The following CACNA2D3 variants were observed in gnomAD, a reference collection of about 807,000 sequenced individuals.
CACNA2D3 encodes voltage-dependent calcium channel subunit alpha-2/delta-3.
A neutral mutation model predicts 160.6 loss-of-function variants in CACNA2D3; 60 were observed. The observed-to-expected ratio is 0.37, with a 90% CI of 0.30 to 0.46. CACNA2D3 has a LOEUF of 0.46. Ranked by LOEUF, CACNA2D3 falls within the 20% of genes least tolerant of loss-of-function variation. The pLI, the probability that CACNA2D3 is intolerant of heterozygous loss-of-function variation, is 1.00. For synonymous variants in CACNA2D3, 558 were observed against 492.9 expected (o/e 1.13, Z -1.75); for missense variants, 1,205 against 1,365.0 (o/e 0.88, Z 1.85).
At chr3:54,390,153 T>C (rs575189543) in intron 4 of CACNA2D3, among the ~76,000 whole-genome samples, 2 of 152,322 alleles carry the variant, frequency 1.3e-5, no homozygotes, top group Admixed American at 6.5e-5. Context: ...TGTGGTTGAC[T>C]TTTGGGGATT....
At chr3:54,554,060 CAA>C (rs1240362767) in intron 5 of CACNA2D3, among the ~76,000 whole-genome samples, 3 of 152,136 alleles carry the variant, frequency 2.0e-5, no homozygotes, top group Admixed American at 1.3e-4. Flanking sequence ...AGATTCTTCC[CAA>C]GTCAGGGTTT....
At chr3:54,207,633 G>A (rs1559882619) in intron 2 of CACNA2D3, among the ~76,000 whole-genome samples, 1 of 152,280 alleles carries the variant, frequency 6.6e-6, no homozygotes, top group Admixed American at 6.5e-5. Context: ...GAGGAGAAAT[G>A]TGCATTTGTC....
At chr3:54,455,362 T>C (rs1422421756) in intron 4 of CACNA2D3, among the ~76,000 whole-genome samples, 1 of 152,192 alleles carries the variant, frequency 6.6e-6, no homozygotes, top group Non-Finnish European at 1.5e-5. Flanking sequence ...TTTTAACATA[T>C]TTGGACATTT....
intron 2 of CACNA2D3, among the ~76,000 whole-genome samples, chr3:54,245,894 A>G (rs1475724913): frequency 6.6e-6 from 1 of 152,220 alleles, no homozygotes; most frequent in Non-Finnish European, 1.5e-5. Context: ...CTTCTCTATC[A>G]TCATTGTCAT....
chr3:54,211,172 CCT>C (rs1026926606), intron 2 of CACNA2D3, among the ~76,000 whole-genome samples: 3 of 149,152 alleles, frequency 2.0e-5, no homozygotes, highest in Admixed American at 6.6e-5. Context: ...TCTTATTTCC[CCT>C]CTTTTTTTTT....
chr3:54,266,024 A>T (rs1269581972), intron 2 of CACNA2D3, among the ~76,000 whole-genome samples: 1 of 152,210 alleles, frequency 6.6e-6, no homozygotes, highest in Non-Finnish European at 1.5e-5. Context: ...GGACACAAGG[A>T]TTAGAAAAAT....
intron 2 of CACNA2D3, among the ~76,000 whole-genome samples, chr3:54,163,299 A>T (rs1260643147): frequency 6.6e-6 from 1 of 152,136 alleles, no homozygotes; most frequent in African/African-American, 2.4e-5. Context: ...CTCAAGGGAA[A>T]CCTTAAGGAA....
chr3:54,699,507 G>A (rs915840431), intron 11 of CACNA2D3, among the ~76,000 whole-genome samples: 3 of 152,120 alleles, frequency 2.0e-5, no homozygotes, highest in Admixed American at 6.5e-5. Context: ...CCTCTTCCCT[G>A]TGACAATGTA....
intron 4 of CACNA2D3, among the ~76,000 whole-genome samples, chr3:54,403,174 G>A (rs1290990798): frequency 6.6e-6 from 1 of 151,784 alleles, no homozygotes; most frequent in Non-Finnish European, 1.5e-5. Context: ...TGGGCAACAA[G>A]TGAGACCTGT....
At chr3:55,000,997 A>T (rs1198734686) in intron 31 of CACNA2D3, among the ~76,000 whole-genome samples, 1 of 152,156 alleles carries the variant, frequency 6.6e-6, no homozygotes, top group Admixed American at 6.5e-5. Flanking sequence ...GAACTTGGGC[A>T]TATTTATTTA....
chr3:54,203,914 A>G (rs1408319076), intron 2 of CACNA2D3, among the ~76,000 whole-genome samples: 1 of 151,660 alleles, frequency 6.6e-6, no homozygotes, highest in East Asian at 1.9e-4. Flanking sequence ...GGAAAATGCA[A>G]CATTTGGGCG....
Position 54,626,416 on chromosome 3 carries a change from C to A in CACNA2D3, c.964-1371C>A, listed in dbSNP as rs1004413032. The A allele has an allele frequency of 5.1e-6, 8 of 1,581,854 alleles. No homozygotes were observed. In the African/African-American group the frequency reaches 8.0e-5, roughly 16 times the overall value. On this transcript the variant is annotated intron_variant, in intron 9 of 37. Coordinates refer to ENST00000474759, the MANE Select transcript of CACNA2D3 (RefSeq NM_018398.3). ...GCGCAAGGCCAAGAAGGAGGCGCTGCCCATGGAGAAGCCGGAAGTGGTGAA... is the reference window on the plus strand; with the variant it reads ...GCGCAAGGCCAAGAAGGAGGCGCTGACCATGGAGAAGCCGGAAGTGGTGAA...
intron 3 of CACNA2D3, among the ~76,000 whole-genome samples, chr3:54,384,655 T>C (rs1262807228): frequency 6.6e-6 from 1 of 152,226 alleles, no homozygotes; most frequent in Non-Finnish European, 1.5e-5. Flanking sequence ...CTCCATCTTA[T>C]GTCTTTTTTT....
chr3:55,006,235 C>G (rs1408129015), intron 32 of CACNA2D3, among the ~76,000 whole-genome samples: 1 of 152,098 alleles, frequency 6.6e-6, no homozygotes, highest in African/African-American at 2.4e-5. Flanking sequence ...TTTTTTAATC[C>G]TGTATTTGCA....
chr3:54,459,792 C>G (rs914283023), intron 4 of CACNA2D3, among the ~76,000 whole-genome samples: 4 of 152,262 alleles, frequency 2.6e-5, no homozygotes, highest in African/African-American at 7.2e-5. Context: ...TCCCATTTGT[C>G]AATTTTGGCT....
chr3:54,839,708 C>G (rs938811565), intron 16 of CACNA2D3, among the ~76,000 whole-genome samples: 1 of 152,096 alleles, frequency 6.6e-6, no homozygotes, highest in African/African-American at 2.4e-5. Context: ...CCTGATTCAC[C>G]ACAGCTGTGA....
intron 11 of CACNA2D3, among the ~76,000 whole-genome samples, chr3:54,714,362 C>T (rs1176724594): frequency 6.6e-6 from 1 of 152,112 alleles, no homozygotes; most frequent in African/African-American, 2.4e-5. Flanking sequence ...GGATGGAGGG[C>T]GAGTGCTCTG....
At position 54,677,192 on chromosome 3, in the gene CACNA2D3, A is replaced by G. The variant is rs1234712809; in HGVS notation, c.1167+34951A>G. Among the ~76,000 whole-genome samples, 4 of 152,216 alleles carry G rather than the reference A, an allele frequency of 2.6e-5. No individual in the cohort carries two copies. The East Asian group carries it at 7.7e-4, about 29-fold the overall frequency. ...TTGCTAAATTTAAAACTGTTGTAAC[A>G]GTACTTGGTACCATGAGTCTTATAC... is the stretch of plus-strand genomic sequence containing the variant. On this transcript the variant is annotated intron_variant, in intron 11 of 37. Transcript: ENST00000474759.
chr3:54,350,991 T>TTTTTTTTTTTTTTTTG (rs1698551509), intron 3 of CACNA2D3, among the ~76,000 whole-genome samples: 1 of 100,060 alleles, frequency 1.0e-5, no homozygotes, highest in Non-Finnish European at 2.1e-5. Context: ...TGTTTGTTTT[T>TTTTTTTTTTTTTTTTG]TTTTTTTTTT....
Sources: gnomAD v4.1 joint callset for allele counts (sites outside exome capture counted in the v4.1 genomes callset) on GRCh38, gnomAD v4.1.1 for gene constraint, MANE v1.5 for transcripts, NCBI Gene and HGNC (gene_info 2026-07-23, HGNC 2026-07-21) for gene names.